Variants in CNGB1 observed in about 807,000 individuals in gnomAD.
The protein encoded by CNGB1 is cyclic nucleotide gated channel subunit beta 1.
CNGB1 carries 126 observed loss-of-function variants against 151.7 expected under a neutral mutation model. The observed-to-expected ratio is 0.83, with a 90% CI of 0.72 to 0.96. The LOEUF (loss-of-function observed/expected upper bound fraction) is 0.96. Ranked by LOEUF, CNGB1 falls within the 40% of genes least tolerant of loss-of-function variation. CNGB1 has a pLI of 0.00. For missense variants in CNGB1, 1,698 were observed against 1,627.0 expected (o/e 1.04, Z -0.75); for synonymous variants, 623 against 635.1 (o/e 0.98, Z 0.29).
intron 25 of CNGB1, among the ~76,000 whole-genome samples, chr16:57,910,545 T>C (rs995303635): frequency 1.3e-5 from 2 of 152,114 alleles, no homozygotes; most frequent in African/African-American, 2.4e-5. Context: ...GGCTAATTTT[T>C]GTATTTTTAT....
At chr16:57,944,402 G>A (rs1961749884) in intron 14 of CNGB1, among the ~76,000 whole-genome samples, 1 of 152,162 alleles carries the variant, frequency 6.6e-6, no homozygotes, top group African/African-American at 2.4e-5. Context: ...TGGGGAGATA[G>A]ATGTTGGTTA....
intron 31 of CNGB1, among the ~76,000 whole-genome samples, chr16:57,890,981 T>G (rs1960073748): frequency 6.6e-6 from 1 of 152,222 alleles, no homozygotes; most frequent in African/African-American, 2.4e-5. Flanking sequence ...CACCTCAGCC[T>G]TCTCAGTGTG....
At chr16:57,917,000 C>T (rs1254819429) in intron 21 of CNGB1, among the ~76,000 whole-genome samples, 1 of 152,168 alleles carries the variant, frequency 6.6e-6, no homozygotes, top group African/African-American at 2.4e-5. Context: ...CACTAAAGAC[C>T]ATTCCCTGGA....
rs1284361592 is a variant in CNGB1 at position 57,917,448 on chromosome 16, G to A, written c.1986C>T (p.Phe662=). 3.7e-6 allele frequency: 6 copies of A among 1,613,982 alleles called. No homozygotes were observed. In the East Asian group the frequency reaches 1.1e-4, roughly 30 times the overall value. Residue 662 remains phenylalanine, a synonymous_variant, in exon 21 of 33, where the codon TTC becomes TTT. Coordinates refer to ENST00000251102, the MANE Select transcript of CNGB1 (RefSeq NM_001297.5). Reference sequence around the variant, plus strand: ...AGTTCCAATTCCAGGCCATCACCACGAAGAACAGCCATAGGACATACATCA... The same window carrying A: ...AGTTCCAATTCCAGGCCATCACCACAAAGAACAGCCATAGGACATACATCA... The part of the protein sequence containing the change: ...TNLMYVLWLF[F]VVMAWNWNCW...
chr16:57,898,834 A>C (rs888732906), intron 29 of CNGB1, among the ~76,000 whole-genome samples: 7 of 152,230 alleles, frequency 4.6e-5, no homozygotes, highest in African/African-American at 1.7e-4. Context: ...CATGGTTGTT[A>C]TGGGTTGAAT....
chr16:57,896,861 A>C (rs1172530226), intron 31 of CNGB1, among the ~76,000 whole-genome samples: 1 of 152,170 alleles, frequency 6.6e-6, no homozygotes, highest in Non-Finnish European at 1.5e-5. Flanking sequence ...AATACTCTGC[A>C]CCTTAATTAC....
At chr16:57,952,351 A>C (rs1961970753) in intron 12 of CNGB1, among the ~76,000 whole-genome samples, 1 of 152,178 alleles carries the variant, frequency 6.6e-6, no homozygotes, top group Admixed American at 6.5e-5. Flanking sequence ...CGAGCGCCTC[A>C]CTGGCATCAG....
chr16:57,901,446 G>A lies in CNGB1; in HGVS notation c.2893-11C>T, dbSNP rs1052223234. 1.2e-5 allele frequency: 20 copies of A among 1,614,178 alleles called. No individual in the cohort carries two copies. The highest frequency in any genetic ancestry group is 1.6e-5 in the Non-Finnish European group (19 of 1,179,984). ...CTGCCGGTCACAGCCCTGTCCCGGT[G>A]AGGAAGGGAAAGGAACTTTTTAGAG... On this transcript the variant is annotated splice_polypyrimidine_tract_variant and intron_variant, in intron 28 of 32. Coordinates refer to ENST00000251102, the MANE Select transcript of CNGB1 (RefSeq NM_001297.5).
At chr16:57,888,236 T>C (rs1959990372) in intron 31 of CNGB1, among the ~76,000 whole-genome samples, 162 bp from the exon 32 acceptor site, 1 of 152,084 alleles carries the variant, frequency 6.6e-6, no homozygotes. Flanking sequence ...AAGTACTTTA[T>C]GCATTGCATC....
rs1959800783 is a variant in CNGB1, at chr16:57,883,038, C to T, written c.*1126G>A. 1 of 152,206 alleles carries T rather than the reference C, an allele frequency of 6.6e-6. No individual in the cohort carries two copies. 9.4% of individuals were successfully genotyped at this position (152,206 alleles called of 1,614,324 possible). On this transcript the variant is annotated 3_prime_UTR_variant, in exon 33 of 33. Coordinates refer to ENST00000251102, the MANE Select transcript of CNGB1 (RefSeq NM_001297.5). ...ACCGGGCTGTTCCTCCTGGCAGAGGCAGAAACGCTAGCAGCTCCTGGCCAG... is the reference window on the plus strand; with the variant it reads ...ACCGGGCTGTTCCTCCTGGCAGAGGTAGAAACGCTAGCAGCTCCTGGCCAG...
chr16:57,932,939 G>A lies in CNGB1; in HGVS notation c.1373-1061C>T, dbSNP rs185721179. ...TTGTTTGCTTTTGAGAAGGGGGGGC[G>A]GGTCTCACTCTGTCACCCAGGCTGG... On this transcript the variant is annotated intron_variant, in intron 16 of 32. Coordinates refer to ENST00000251102, the MANE Select transcript of CNGB1 (RefSeq NM_001297.5). Among the ~76,000 whole-genome samples, 922 of 151,732 alleles carry A rather than the reference G, an allele frequency of 6.1e-3. 3 individuals carry two copies. Among genetic ancestry groups the A allele is most frequent in the Non-Finnish European group, 8.5e-3 (578 of 67,902 alleles).
At chr16:57,904,063 C>G in intron 26 of CNGB1, 82 bp from the exon 27 acceptor site, 1 of 1,341,742 alleles carries the variant, frequency 7.5e-7, no homozygotes. Flanking sequence ...GGATGTGTCA[C>G]TTCACACAGA....
At chr16:57,949,710 T>A (rs927168337) in intron 13 of CNGB1, among the ~76,000 whole-genome samples, 5 of 152,192 alleles carry the variant, frequency 3.3e-5, no homozygotes, top group African/African-American at 9.6e-5. Flanking sequence ...AGTTTCCCCA[T>A]CTTAGCTATG....
intron 17 of CNGB1, among the ~76,000 whole-genome samples, chr16:57,924,695 G>A (rs1177282526): frequency 6.6e-6 from 1 of 152,202 alleles, no homozygotes. Context: ...GTAATCCCCA[G>A]TGTTGGCGGT....
At chr16:57,932,077 C>A (rs971931199) in intron 16 of CNGB1, among the ~76,000 whole-genome samples, 199 bp from the exon 17 acceptor site, 1 of 152,136 alleles carries the variant, frequency 6.6e-6, no homozygotes, top group African/African-American at 2.4e-5. Context: ...AGGGTCACAG[C>A]CACCAGCCCA....
At chr16:57,969,290 A>G (rs1962482452) in intron 1 of CNGB1, among the ~76,000 whole-genome samples, 1 of 152,158 alleles carries the variant, frequency 6.6e-6, no homozygotes, top group Non-Finnish European at 1.5e-5. Context: ...TGCCTGGGTG[A>G]CAGAGCAAGA....
At chr16:57,888,449 CTCTCTGTCTCTG>C (rs1355318429) in intron 31 of CNGB1, among the ~76,000 whole-genome samples, 1 of 149,724 alleles carries the variant, frequency 6.7e-6, no homozygotes, top group African/African-American at 2.5e-5. Flanking sequence ...CTTCCTCTCT[CTCTCTGTCTCTG>C]TCTCTGTCTC....
In CNGB1 at chr16:57,949,447, G is replaced by C; in HGVS notation, c.1035-8C>G. ...TCAATCCGGGACAGCTCTCTGAGTT[G>C]GGGTTAGAGGCAGGAGGTGAGCCCA... On this transcript the variant is annotated splice_region_variant and splice_polypyrimidine_tract_variant and intron_variant, in intron 13 of 32. Transcript: ENST00000251102. The C allele has an allele frequency of 1.2e-6, 2 of 1,613,612 alleles. No homozygotes were observed. The highest frequency in any genetic ancestry group is 1.7e-6 in the Non-Finnish European group (2 of 1,180,020).
intron 31 of CNGB1, 110 bp downstream of exon 31, chr16:57,897,287 G>T: frequency 8.3e-7 from 1 of 1,207,880 alleles, no homozygotes. Context: ...GGGTGACAGA[G>T]CAAGATGTCA....
Sources: gnomAD v4.1 joint callset for allele counts (sites outside exome capture counted in the v4.1 genomes callset) on GRCh38, gnomAD v4.1.1 for gene constraint, MANE v1.5 for transcripts, NCBI Gene and HGNC (gene_info 2026-07-23, HGNC 2026-07-21) for gene names.